The following PRPSAP2 variants were observed in gnomAD, a reference collection of about 807,000 sequenced individuals.
PRPSAP2 encodes phosphoribosyl pyrophosphate synthase-associated protein 2.
A neutral mutation model predicts 40.6 loss-of-function variants in PRPSAP2; 24 were observed. The ratio of observed to expected loss-of-function variants is 0.59; its 90% CI spans 0.43 to 0.83. The LOEUF is 0.83. Among genes scored for constraint, PRPSAP2 ranks in the 40% least tolerant of loss-of-function variants. The pLI, the probability that PRPSAP2 is intolerant of heterozygous loss-of-function variation, is 0.00. For synonymous variants in PRPSAP2, 149 were observed against 164.7 expected (o/e 0.90, Z 0.73); for missense variants, 292 against 465.6 (o/e 0.63, Z 3.43).
At chr17:18,892,844 C>T (rs957298048) in intron 8 of PRPSAP2, among the ~76,000 whole-genome samples, 1 of 151,786 alleles carries the variant, frequency 6.6e-6, no homozygotes, top group Admixed American at 6.6e-5. Flanking sequence ...AAGCGATTCT[C>T]CTGCCTCAGC....
At chr17:18,924,117 G>T (rs1417947099) in intron 10 of PRPSAP2, 133 bp downstream of exon 10, 3 of 737,482 alleles carry the variant, frequency 4.1e-6, no homozygotes, top group African/African-American at 3.6e-5. Flanking sequence ...TCGGCTCACT[G>T]CAACTTCTGC....
intron 8 of PRPSAP2, among the ~76,000 whole-genome samples, chr17:18,907,720 A>G (rs1375969255): frequency 6.6e-6 from 1 of 152,244 alleles, no homozygotes; most frequent in Non-Finnish European, 1.5e-5. Flanking sequence ...GAATAATTCT[A>G]ATAACAGAAG....
intron 8 of PRPSAP2, among the ~76,000 whole-genome samples, chr17:18,902,422 T>C (rs1412132888): frequency 6.6e-6 from 1 of 152,186 alleles, no homozygotes; most frequent in African/African-American, 2.4e-5. Flanking sequence ...AAGTCAGCAG[T>C]TATAATCTCT....
intron 9 of PRPSAP2, among the ~76,000 whole-genome samples, chr17:18,923,046 G>A (rs992540663): frequency 6.6e-6 from 1 of 150,894 alleles, no homozygotes; most frequent in African/African-American, 2.4e-5. Context: ...CTGCCATTCT[G>A]TAGGGGTTTT....
At position 18,897,991 on chromosome 17, in the gene PRPSAP2, C is replaced by CTTT. The variant is rs71155370; in HGVS notation, c.584+8138_584+8140dup. 3.5e-4 allele frequency among the ~76,000 whole-genome samples: 41 copies of CTTT among 116,352 alleles called. 5 individuals carry two copies. Among genetic ancestry groups the CTTT allele is most frequent in the Non-Finnish European group, 5.4e-4 (31 of 57,884 alleles). The allele number at this position is 116,352 out of a possible 152,430, so 76.3% of individuals were successfully genotyped here. On this transcript the variant is annotated intron_variant, in intron 8 of 11. Transcript: ENST00000268835. ...CAGTATCAGGCTGTTAGAATTTTTG[C>CTTT]TTTTTTTTTTTTTTTTTTTTTTTTT...
chr17:18,891,518 T>G (rs1439813158), intron 8 of PRPSAP2, among the ~76,000 whole-genome samples: 1 of 152,226 alleles, frequency 6.6e-6, no homozygotes, highest in Non-Finnish European at 1.5e-5. Context: ...CAAACATTTC[T>G]TCAAAGGCTG....
At chr17:18,920,283 C>T (rs1235811568) in intron 9 of PRPSAP2, among the ~76,000 whole-genome samples, 3 of 152,074 alleles carry the variant, frequency 2.0e-5, no homozygotes, top group Non-Finnish European at 4.4e-5. Flanking sequence ...TTTGGTGTGG[C>T]CTTTGGGAGT....
chr17:18,890,714 G>A (rs141664456), intron 8 of PRPSAP2, among the ~76,000 whole-genome samples: 4,630 of 152,246 alleles, frequency 0.03, 99 homozygotes, highest in Non-Finnish European at 0.045. Context: ...TGAGTCTGGC[G>A]TTTACAGTAC....
chr17:18,895,140 A>T (rs1405893364), intron 8 of PRPSAP2, among the ~76,000 whole-genome samples: 1 of 146,752 alleles, frequency 6.8e-6, no homozygotes, highest in East Asian at 2.0e-4. Flanking sequence ...ACTGGAGTGC[A>T]CTGGTGCCAT....
At chr17:18,868,448 C>T (rs1246410337) in intron 4 of PRPSAP2, among the ~76,000 whole-genome samples, 2 of 150,134 alleles carry the variant, frequency 1.3e-5, no homozygotes. Flanking sequence ...GCACTCCAGC[C>T]TGGGGGGGAA....
intron 10 of PRPSAP2, among the ~76,000 whole-genome samples, chr17:18,927,165 T>C (rs1343935003): frequency 6.6e-6 from 1 of 152,072 alleles, no homozygotes; most frequent in Non-Finnish European, 1.5e-5. Context: ...AGGAAAGAGG[T>C]TAACCCACTC....
intron 9 of PRPSAP2, among the ~76,000 whole-genome samples, chr17:18,914,652 T>A (rs79254184): frequency 0.072 from 11,008 of 152,060 alleles, 437 homozygotes; most frequent in Admixed American, 0.098. Flanking sequence ...CATCTTTAAT[T>A]CATCTTCTTG....
At position 18,869,574 on chromosome 17, in the gene PRPSAP2, C is replaced by G. The variant is rs540768259; in HGVS notation, c.172+2240C>G. Among the ~76,000 whole-genome samples, 13 of 151,274 alleles carry G rather than the reference C, an allele frequency of 8.6e-5. No homozygotes were observed. The South Asian group carries it at 2.7e-3, about 32-fold the overall frequency. ...CTGGAGTGCAGTGGGGCAACCTCGG[C>G]TCACTGCCACCTCCGCCTCCCAGGT... On this transcript the variant is annotated intron_variant, in intron 4 of 11. Transcript: ENST00000268835.
intron 4 of PRPSAP2, among the ~76,000 whole-genome samples, chr17:18,867,840 AT>A (rs2037541369): frequency 6.6e-6 from 1 of 152,214 alleles, no homozygotes. Flanking sequence ...AAGAAGTGTT[AT>A]TTAACCTTTG....
intron 10 of PRPSAP2, among the ~76,000 whole-genome samples, chr17:18,926,267 A>T (rs1014962198): frequency 6.0e-4 from 79 of 132,074 alleles, no homozygotes; most frequent in African/African-American, 2.1e-3. Flanking sequence ...TTATTTATTT[A>T]TTTCTATTTT....
chr17:18,896,733 C>T (rs1413772990), intron 8 of PRPSAP2, among the ~76,000 whole-genome samples: 1 of 152,064 alleles, frequency 6.6e-6, no homozygotes, highest in Middle Eastern at 3.2e-3. Flanking sequence ...TGATCATATT[C>T]TCCAGCCCTG....
chr17:18,863,831 C>CTTTTTTTTTT (rs34770102), intron 1 of PRPSAP2, among the ~76,000 whole-genome samples: 193 of 85,936 alleles, frequency 2.2e-3, no homozygotes, highest in Non-Finnish European at 2.7e-3. Flanking sequence ...ACTGCGTGGC[C>CTTTTTTTTTT]TTTTTTTTTT....
intron 8 of PRPSAP2, among the ~76,000 whole-genome samples, chr17:18,896,951 T>C (rs2039947033): frequency 6.6e-6 from 1 of 151,714 alleles, no homozygotes. Flanking sequence ...ATGGGGCAAG[T>C]TAAAACACAC....
chr17:18,926,588 A>G (rs1383742425), intron 10 of PRPSAP2, among the ~76,000 whole-genome samples: 1 of 152,156 alleles, frequency 6.6e-6, no homozygotes, highest in Non-Finnish European at 1.5e-5. Context: ...TTTTAAAAAA[A>G]CGTTTTTATT....
Sources: gnomAD v4.1 joint callset for allele counts (sites outside exome capture counted in the v4.1 genomes callset) on GRCh38, gnomAD v4.1.1 for gene constraint, MANE v1.5 for transcripts, NCBI Gene and HGNC (gene_info 2026-07-23, HGNC 2026-07-21) for gene names.